The following SKP2 variants were observed in gnomAD, a reference collection of about 807,000 sequenced individuals.
The protein encoded by SKP2 is S-phase kinase associated protein 2, also known as S-phase kinase-associated protein 2.
SKP2 carries 16 observed loss-of-function variants against 51.8 expected under a neutral mutation model. That is an observed-to-expected ratio of 0.31 (90% confidence interval 0.21 to 0.47). The LOEUF is 0.47. SKP2 is among the 20% of genes least tolerant of loss of function. SKP2 has a pLI of 1.00. For missense variants in SKP2, 377 were observed against 505.3 expected, an observed-to-expected ratio of 0.75 and a Z score of 2.43; for synonymous variants, 176 against 198.6, an observed-to-expected ratio of 0.89 and a Z score of 0.96.
rs2112019397 is a variant in SKP2 at position 36,183,895 on chromosome 5, C to A, written c.*1864C>A. Reference sequence around the variant, plus strand: ...GTTGGACTCTGACATCGGATGCCCTCAAACATACAGAACTTCCAAACTCAA... The same window carrying A: ...GTTGGACTCTGACATCGGATGCCCTAAAACATACAGAACTTCCAAACTCAA... On this transcript the variant is annotated 3_prime_UTR_variant, in exon 10 of 10. Coordinates refer to ENST00000274255, the MANE Select transcript of SKP2 (RefSeq NM_005983.4). 2.5e-6 allele frequency: 4 copies of A among 1,610,856 alleles called. No homozygotes were observed. The highest frequency in any genetic ancestry group is 3.4e-6 in the Non-Finnish European group (4 of 1,179,266).
At chr5:36,191,765 T>C (rs1029589043) in intron 6 of SKP2, among the ~76,000 whole-genome samples, 3 of 152,202 alleles carry the variant, frequency 2.0e-5, no homozygotes, top group African/African-American at 4.8e-5. Context: ...ACCCTAACCA[T>C]GGAACAAGCA....
At chr5:36,191,866 T>G (rs1007803814) in intron 6 of SKP2, among the ~76,000 whole-genome samples, 7 of 150,932 alleles carry the variant, frequency 4.6e-5, no homozygotes, top group African/African-American at 1.5e-4. Flanking sequence ...GACTAACCCT[T>G]CAAGATACAA....
At chr5:36,170,783 A>G (rs1042446155) in intron 6 of SKP2, among the ~76,000 whole-genome samples, 2 of 152,218 alleles carry the variant, frequency 1.3e-5, no homozygotes, top group African/African-American at 4.8e-5. Flanking sequence ...TGTAGACCTA[A>G]CTTACAATTT....
At chr5:36,158,651 G>T (rs567599120) in intron 2 of SKP2, among the ~76,000 whole-genome samples, 1 of 152,158 alleles carries the variant, frequency 6.6e-6, no homozygotes, top group African/African-American at 2.4e-5. Flanking sequence ...TAGCAAGTCC[G>T]GGTTTAATTC....
rs577028608 is a variant in SKP2 at position 36,182,225 on chromosome 5, G to C, written c.*194G>C. Reference sequence around the variant, plus strand: ...AATGATTCTAAAAGCTTCTATCACTGCTTTGCTCTTAAGAGCCAAAGTTGT... The same window carrying C: ...AATGATTCTAAAAGCTTCTATCACTCCTTTGCTCTTAAGAGCCAAAGTTGT... On this transcript the variant is annotated 3_prime_UTR_variant, in exon 10 of 10. Coordinates refer to ENST00000274255, the MANE Select transcript of SKP2 (RefSeq NM_005983.4). The C allele has an allele frequency of 5.8e-6, 8 of 1,380,584 alleles. No homozygotes were observed. Among genetic ancestry groups the C allele is most frequent in the African/African-American group, 5.8e-5 (4 of 69,052 alleles). The allele number at this position is 1,380,584 out of a possible 1,614,324, so 85.5% of individuals were successfully genotyped here.
intron 2 of SKP2, among the ~76,000 whole-genome samples, chr5:36,156,612 G>A (rs960441198): frequency 6.6e-6 from 1 of 152,074 alleles, no homozygotes; most frequent in Non-Finnish European, 1.5e-5. Flanking sequence ...AGTAACAGGC[G>A]GAAAGGGGAC....
intron 5 of SKP2, among the ~76,000 whole-genome samples, chr5:36,169,948 T>C (rs1295705342): frequency 2.0e-5 from 3 of 152,216 alleles, no homozygotes; most frequent in Non-Finnish European, 4.4e-5. Context: ...ATTTGAGAGA[T>C]GTATAATCAA....
intron 9 of SKP2, chr5:36,180,335 C>T (rs746318037): frequency 4.2e-5 from 42 of 1,004,684 alleles, no homozygotes; most frequent in Non-Finnish European, 5.0e-5. Context: ...GATCTTACTT[C>T]GACAGTGTTT....
chr5:36,169,386 C>T (rs1310142251), intron 5 of SKP2, among the ~76,000 whole-genome samples: 1 of 151,404 alleles, frequency 6.6e-6, no homozygotes, highest in Non-Finnish European at 1.5e-5. Context: ...CGGAGGTTGC[C>T]ATGAGCTGAG....
chr5:36,176,166 G>T (rs1435518128), intron 7 of SKP2, among the ~76,000 whole-genome samples: 1 of 151,618 alleles, frequency 6.6e-6, no homozygotes, highest in Non-Finnish European at 1.5e-5. Flanking sequence ...GGTATTTCTT[G>T]CTCCTTTTTA....
In SKP2 at chr5:36,159,340, G is replaced by A. The variant is rs1579551889; in HGVS notation, c.281-4305G>A. Among the ~76,000 whole-genome samples, 6 of 152,252 alleles carry A rather than the reference G, an allele frequency of 3.9e-5. 1 individual carries two copies. The South Asian group carries it at 1.2e-3, about 32-fold the overall frequency. On this transcript the variant is annotated intron_variant, in intron 2 of 9. Transcript: ENST00000274255. ...TGCTACTGCTCTTTTAATTGGTCCT[G>A]ATTTCTTATGTCTTCCTAATAGAAA... is the stretch of plus-strand genomic sequence containing the variant.
intron 2 of SKP2, among the ~76,000 whole-genome samples, chr5:36,159,831 T>G (rs1745069628): frequency 6.6e-6 from 1 of 152,202 alleles, no homozygotes; most frequent in Non-Finnish European, 1.5e-5. Flanking sequence ...AGAATCTGCT[T>G]CTGGGGGACC....
At chr5:36,156,461 C>T (rs1049132083) in intron 2 of SKP2, among the ~76,000 whole-genome samples, 1 of 152,174 alleles carries the variant, frequency 6.6e-6, no homozygotes, top group Non-Finnish European at 1.5e-5. Context: ...TCCAGCCGTA[C>T]ATCTGGCAAC....
At position 36,182,154 on chromosome 5, in the gene SKP2, C is replaced by T. The variant is rs1206482570; in HGVS notation, c.*123C>T. 1 of 1,448,580 alleles carries T rather than the reference C, an allele frequency of 6.9e-7. No homozygotes were observed. The highest frequency in any genetic ancestry group is 9.1e-7 in the Non-Finnish European group (1 of 1,104,136). 89.7% of individuals were successfully genotyped at this position (1,448,580 alleles called of 1,614,324 possible). ...CCTTTGCCTTCATTCTGCAAGTATA[C>T]TAGGGAGCCATTTGAGAGGGAAAAC... On this transcript the variant is annotated 3_prime_UTR_variant, in exon 10 of 10. Coordinates refer to ENST00000274255, the MANE Select transcript of SKP2 (RefSeq NM_005983.4).
At chr5:36,190,283 G>A (rs954648448) in intron 6 of SKP2, among the ~76,000 whole-genome samples, 27 of 152,138 alleles carry the variant, frequency 1.8e-4, no homozygotes, top group African/African-American at 6.5e-4. Flanking sequence ...AGTTGGAAAT[G>A]CAGAAATCAC....
intron 4 of SKP2, among the ~76,000 whole-genome samples, chr5:36,168,081 T>TA (rs1447965567): frequency 2.0e-5 from 3 of 152,230 alleles, no homozygotes; most frequent in Non-Finnish European, 2.9e-5. Context: ...AGTGGGACTA[T>TA]ATTGGCAGCA....
At chr5:36,173,455 TCTC>T (rs956773793) in intron 7 of SKP2, among the ~76,000 whole-genome samples, 1 of 152,216 alleles carries the variant, frequency 6.6e-6, no homozygotes, top group African/African-American at 2.4e-5. Flanking sequence ...TCTTGGTTCT[TCTC>T]TGTCTGCAGG....
At chr5:36,164,718 G>A (rs147564760) in intron 3 of SKP2, among the ~76,000 whole-genome samples, 1 of 152,134 alleles carries the variant, frequency 6.6e-6, no homozygotes, top group East Asian at 1.9e-4. Context: ...TACCCTCACC[G>A]CACTCAACCC....
intron 3 of SKP2, among the ~76,000 whole-genome samples, chr5:36,165,799 T>A (rs1745265630): frequency 6.6e-6 from 1 of 152,350 alleles, no homozygotes; most frequent in South Asian, 2.1e-4. Context: ...TTTCTTTTTT[T>A]AAATTGAATT....
Sources: allele counts gnomAD v4.1 joint callset (sites outside exome capture counted in the v4.1 genomes callset), GRCh38; gene constraint gnomAD v4.1.1; transcripts MANE v1.5; gene names NCBI Gene and HGNC (gene_info 2026-07-23, HGNC 2026-07-21).